Variants in PXDN observed in about 807,000 individuals in gnomAD.
PXDN encodes the protein peroxidasin homolog.
A neutral mutation model predicts 140.3 loss-of-function variants in PXDN; 77 were observed. That is an observed-to-expected ratio of 0.55 (90% CI 0.46 to 0.66). PXDN has a LOEUF of 0.66. PXDN is among the 30% of genes least tolerant of loss of function. The pLI, the probability that PXDN is intolerant of heterozygous loss-of-function variation, is 0.00. For synonymous variants in PXDN, 911 were observed against 857.4 expected, an observed-to-expected ratio of 1.06 and a Z score of -1.09; for missense variants, 1,838 against 2,039.5, an observed-to-expected ratio of 0.90 and a Z score of 1.90.
chr2:1,673,290 C>T (rs1361398044), intron 9 of PXDN, among the ~76,000 whole-genome samples: 2 of 152,170 alleles, frequency 1.3e-5, no homozygotes, highest in Admixed American at 1.3e-4. Flanking sequence ...CACATGGCAA[C>T]AGCTGGCTGT....
intron 14 of PXDN, among the ~76,000 whole-genome samples, chr2:1,659,278 A>G (rs1292903127): frequency 2.0e-5 from 3 of 152,256 alleles, no homozygotes; most frequent in African/African-American, 7.2e-5. Context: ...GTATGTATAC[A>G]TGGACAACTC....
chr2:1,658,980 C>T (rs1335287727), intron 14 of PXDN, among the ~76,000 whole-genome samples: 2 of 152,212 alleles, frequency 1.3e-5, no homozygotes, highest in Non-Finnish European at 2.9e-5. Flanking sequence ...CTGCTTCTTA[C>T]TCATCTCTCC....
intron 1 of PXDN, among the ~76,000 whole-genome samples, chr2:1,700,251 G>A (rs1202051320): frequency 1.3e-5 from 2 of 152,032 alleles, no homozygotes; most frequent in Non-Finnish European, 2.9e-5. Flanking sequence ...TAGTAGAGAC[G>A]GGGTTTCGCC....
chr2:1,719,499 G>A (rs959122308), intron 1 of PXDN, among the ~76,000 whole-genome samples: 2 of 152,210 alleles, frequency 1.3e-5, no homozygotes, highest in African/African-American at 4.8e-5. Flanking sequence ...GGTCCCCGCC[G>A]ACCTGCCTGC....
At chr2:1,636,956 T>C (rs1682575723) in intron 21 of PXDN, 1 of 152,226 alleles carries the variant, frequency 6.6e-6, no homozygotes, top group Non-Finnish European at 1.5e-5. Flanking sequence ...CACCCTGTGC[T>C]GTCAGCAGCT....
intron 9 of PXDN, among the ~76,000 whole-genome samples, chr2:1,669,265 A>G (rs1445315992): frequency 6.6e-6 from 1 of 152,192 alleles, no homozygotes; most frequent in Non-Finnish European, 1.5e-5. Context: ...ACCCATGGAC[A>G]CAGGGAGTGG....
chr2:1,724,356 T>C (rs1325640148), intron 1 of PXDN, among the ~76,000 whole-genome samples: 1 of 151,182 alleles, frequency 6.6e-6, no homozygotes, highest in Non-Finnish European at 1.5e-5. Flanking sequence ...AATAGAGACT[T>C]ACACAGAAAA....
intron 1 of PXDN, among the ~76,000 whole-genome samples, chr2:1,712,073 G>A (rs373213628): frequency 2.2e-5 from 3 of 133,842 alleles, no homozygotes; most frequent in African/African-American, 3.1e-5. Context: ...CAAGATCAAC[G>A]AGGGTAAAAA....
At chr2:1,688,341 C>T (rs527298856) in intron 3 of PXDN, among the ~76,000 whole-genome samples, 4 of 152,344 alleles carry the variant, frequency 2.6e-5, no homozygotes, top group East Asian at 3.9e-4. Context: ...CGCCCACACT[C>T]GCTCACTCCG....
At chr2:1,744,152 T>A in intron 1 of PXDN, 104 bp downstream of exon 1, 7 of 1,053,156 alleles carry the variant, frequency 6.6e-6, no homozygotes, top group Non-Finnish European at 8.5e-6. Context: ...GCGCGCCCGA[T>A]GCCCCCTCCA....
chr2:1,672,746 CAAG>C (rs1438271287), intron 9 of PXDN, among the ~76,000 whole-genome samples: 1 of 152,186 alleles, frequency 6.6e-6, no homozygotes, highest in Non-Finnish European at 1.5e-5. Context: ...GGGATTTAAA[CAAG>C]AAACACCAAA....
intron 14 of PXDN, among the ~76,000 whole-genome samples, chr2:1,657,145 G>A (rs188437677): frequency 2.1e-5 from 3 of 142,788 alleles, no homozygotes; most frequent in Admixed American, 1.4e-4. Context: ...CCTCCTGACT[G>A]GGGGGGGACC....
intron 14 of PXDN, among the ~76,000 whole-genome samples, chr2:1,657,496 G>C (rs2125418612): frequency 6.7e-6 from 1 of 149,752 alleles, no homozygotes; most frequent in South Asian, 2.1e-4. Context: ...ACTGAAGCCT[G>C]CCACCTCCTG....
chr2:1,709,021 A>G (rs949190585), intron 1 of PXDN, among the ~76,000 whole-genome samples: 1 of 152,170 alleles, frequency 6.6e-6, no homozygotes, highest in Admixed American at 6.5e-5. Flanking sequence ...TGAGGCTGCC[A>G]GTTCACCGCG....
At chr2:1,667,717 A>T (rs1683479043) in intron 9 of PXDN, among the ~76,000 whole-genome samples, 1 of 152,178 alleles carries the variant, frequency 6.6e-6, no homozygotes, top group South Asian at 2.1e-4. Context: ...TACAAAGAAA[A>T]TAAAATACCT....
At chr2:1,688,668 T>G (rs889189982) in intron 3 of PXDN, among the ~76,000 whole-genome samples, 1 of 152,160 alleles carries the variant, frequency 6.6e-6, no homozygotes, top group African/African-American at 2.4e-5. Context: ...CTACCGTTTC[T>G]TAGAATCCCT....
At chr2:1,725,248 T>C (rs1685149302) in intron 1 of PXDN, among the ~76,000 whole-genome samples, 1 of 152,178 alleles carries the variant, frequency 6.6e-6, no homozygotes. Flanking sequence ...TTCTAATAGT[T>C]TTTAATGGAA....
intron 1 of PXDN, among the ~76,000 whole-genome samples, chr2:1,743,988 C>T (rs1414437649): frequency 6.6e-6 from 1 of 152,122 alleles, no homozygotes; most frequent in Non-Finnish European, 1.5e-5. Context: ...GAGTTCCGAA[C>T]AAAGGCGGCT....
chr2:1,710,556 ACTCTCCACCAGCACC>A (rs1558520516), intron 1 of PXDN, among the ~76,000 whole-genome samples: 4 of 111,332 alleles, frequency 3.6e-5, no homozygotes, highest in South Asian at 3.1e-4. Context: ...ACCAGCACCC[ACTCTCCACCAGCACC>A]CTCTCCACTA....
Sources: gnomAD v4.1 joint callset for allele counts (sites outside exome capture counted in the v4.1 genomes callset) on GRCh38, gnomAD v4.1.1 for gene constraint, MANE v1.5 for transcripts, NCBI Gene and HGNC (gene_info 2026-07-23, HGNC 2026-07-21) for gene names.